The following CEP83 variants were observed in gnomAD, a reference collection of about 807,000 sequenced individuals.
CEP83 encodes the protein centrosomal protein 83.
A neutral mutation model predicts 101.9 loss-of-function variants in CEP83; 70 were observed. The ratio of observed to expected loss-of-function variants is 0.69; its 90% CI spans 0.57 to 0.84. CEP83 has a LOEUF of 0.84. Among genes scored for constraint, CEP83 ranks in the 40% least tolerant of loss-of-function variants. The pLI is 0.00. For missense variants in CEP83, 715 were observed against 787.2 expected, an observed-to-expected ratio of 0.91 and a Z score of 1.10; for synonymous variants, 264 against 267.9, an observed-to-expected ratio of 0.99 and a Z score of 0.14.
intron 14 of CEP83, among the ~76,000 whole-genome samples, chr12:94,325,027 A>G (rs958028010): frequency 6.6e-6 from 1 of 152,102 alleles, no homozygotes; most frequent in Non-Finnish European, 1.5e-5. Flanking sequence ...TGTACTTGCT[A>G]TTCCCTCTGG....
At chr12:94,435,480 A>G (rs2065919447) in intron 1 of CEP83, among the ~76,000 whole-genome samples, 153 bp from the exon 2 acceptor site, 1 of 152,224 alleles carries the variant, frequency 6.6e-6, no homozygotes, top group Admixed American at 6.5e-5. Flanking sequence ...CTTTGAAAAA[A>G]GCAGTTTACT....
At chr12:94,347,619 G>T (rs985835930) in intron 11 of CEP83, among the ~76,000 whole-genome samples, 1 of 152,260 alleles carries the variant, frequency 6.6e-6, no homozygotes, top group South Asian at 2.1e-4. Context: ...AATGTTCACA[G>T]CAGCATTATT....
intron 4 of CEP83, among the ~76,000 whole-genome samples, chr12:94,406,349 A>G (rs996767628): frequency 6.6e-6 from 1 of 151,476 alleles, no homozygotes; most frequent in Non-Finnish European, 1.5e-5. Context: ...AACAAAACAA[A>G]AACAACAACA....
chr12:94,383,828 C>T (rs1418088788), intron 6 of CEP83, among the ~76,000 whole-genome samples: 1 of 152,048 alleles, frequency 6.6e-6, no homozygotes, highest in Admixed American at 6.5e-5. Flanking sequence ...TCATGGTCTA[C>T]TGAATTCATT....
intron 11 of CEP83, among the ~76,000 whole-genome samples, chr12:94,348,696 G>A (rs1389958812): frequency 1.3e-5 from 2 of 152,204 alleles, no homozygotes; most frequent in East Asian, 3.9e-4. Flanking sequence ...GAATCCCAGG[G>A]AAACCATTAC....
chr12:94,376,743 A>ATT lies in CEP83; in HGVS notation c.802-727_802-726insAA, dbSNP rs1208558473. Among the ~76,000 whole-genome samples, 724 of 108,376 alleles carry ATT rather than the reference A, an allele frequency of 6.7e-3. 5 individuals are homozygous for ATT. Among genetic ancestry groups the ATT allele is most frequent in the Middle Eastern group, 0.014 (3 of 214 alleles). 71.1% of individuals were successfully genotyped at this position (108,376 alleles called of 152,430 possible). On this transcript the variant is annotated intron_variant, in intron 7 of 16. Transcript: ENST00000397809. ...CACACACACACACACATATATATATATATATTTTTTTTTTGAGACAAGGTC... is the reference window on the plus strand; with the variant it reads ...CACACACACACACACATATATATATATTTATATTTTTTTTTTGAGACAAGGTC...
At chr12:94,272,093 C>T in the CEP83 span, 2 of 152,202 alleles carry the variant, frequency 1.3e-5, no homozygotes, top group Non-Finnish European at 2.9e-5. Context: ...TGGCCCTCTT[C>T]CCGGGCCTTC....
intron 6 of CEP83, among the ~76,000 whole-genome samples, chr12:94,382,017 T>C (rs976590300): frequency 2.0e-5 from 3 of 152,052 alleles, no homozygotes; most frequent in Admixed American, 2.0e-4. Context: ...AGTTTTAAAA[T>C]TACAGATTGA....
chr12:94,323,489 G>A (rs1281887619), intron 14 of CEP83, among the ~76,000 whole-genome samples: 2 of 152,106 alleles, frequency 1.3e-5, no homozygotes, highest in Admixed American at 6.5e-5. Context: ...TCACTCCCAA[G>A]TGGATGACTG....
chr12:94,373,258 T>G (rs529012375), intron 8 of CEP83, among the ~76,000 whole-genome samples: 3 of 152,208 alleles, frequency 2.0e-5, no homozygotes, highest in African/African-American at 7.2e-5. Context: ...CTGGCCTTTA[T>G]GTTGTGAATT....
intron 6 of CEP83, among the ~76,000 whole-genome samples, chr12:94,399,861 A>C (rs938825107): frequency 6.6e-6 from 1 of 152,196 alleles, no homozygotes; most frequent in African/African-American, 2.4e-5. Context: ...AACTATTATA[A>C]ATATTTATAG....
chr12:94,446,200 T>A (rs2066788613), intron 1 of CEP83, among the ~76,000 whole-genome samples: 2 of 152,218 alleles, frequency 1.3e-5, no homozygotes, highest in South Asian at 4.1e-4. Flanking sequence ...TCTTACTTGT[T>A]TTTTTTACTA....
chr12:94,418,305 G>A (rs953143203), intron 2 of CEP83, among the ~76,000 whole-genome samples: 3 of 152,206 alleles, frequency 2.0e-5, no homozygotes, highest in Non-Finnish European at 4.4e-5. Flanking sequence ...AGGCTGCAGT[G>A]AGCCAAGATT....
chr12:94,447,614 T>TA (rs2066906433), intron 1 of CEP83, among the ~76,000 whole-genome samples: 1 of 152,206 alleles, frequency 6.6e-6, no homozygotes. Context: ...TCATCTCGTT[T>TA]AAAGACATAA....
chr12:94,398,229 T>A (rs2063023187), intron 6 of CEP83, among the ~76,000 whole-genome samples: 1 of 152,176 alleles, frequency 6.6e-6, no homozygotes, highest in Admixed American at 6.5e-5. Flanking sequence ...TATAATGGCA[T>A]TAAATAAAAA....
At chr12:94,406,465 G>C (rs928869458) in intron 4 of CEP83, among the ~76,000 whole-genome samples, 4 of 151,664 alleles carry the variant, frequency 2.6e-5, no homozygotes, top group African/African-American at 9.7e-5. Flanking sequence ...GAGAGAGAGA[G>C]AGTGAGAGTG....
At chr12:94,270,795 C>G in the CEP83 span, among the ~76,000 whole-genome samples, 3 of 151,094 alleles carry the variant, frequency 2.0e-5, no homozygotes, top group South Asian at 6.3e-4. Flanking sequence ...AAAAGGCTCT[C>G]GTTACCCTGT....
chr12:94,412,472 T>C lies in CEP83; in HGVS notation c.19A>G (p.Thr7Ala). The C allele has an allele frequency of 6.2e-7, 1 of 1,612,372 alleles. No homozygotes were observed. MVVSTF[T>A]DMDTFPNNFP... is the part of the protein sequence containing the mutation. ...TTATTGGGAAAAGTGTCCATATCGG[T>C]AAATGTGCTGACAACCATGTAAAAA... The change falls in exon 3 of 17, where the codon ACC becomes GCC. Residue 7 changes from threonine to alanine, a missense_variant. Coordinates refer to ENST00000397809, the MANE Select transcript of CEP83 (RefSeq NM_016122.3).
In CEP83 at chr12:94,453,238, A is replaced by T. The variant is rs983213590; in HGVS notation, c.-155+6319T>A. 8.5e-5 allele frequency among the ~76,000 whole-genome samples: 13 copies of T among 152,128 alleles called. 1 individual carries two copies. The highest frequency in any genetic ancestry group is 3.9e-4 in the Admixed American group (6 of 15,272). ...CTACACAACTCTCACTAGGAACCTC[A>T]TCTATACCTGGTATTTCAACTACCA... On this transcript the variant is annotated intron_variant, in intron 1 of 16. Coordinates refer to ENST00000397809, the MANE Select transcript of CEP83 (RefSeq NM_016122.3).
Sources: allele counts gnomAD v4.1 joint callset (sites outside exome capture counted in the v4.1 genomes callset), GRCh38; gene constraint gnomAD v4.1.1; transcripts MANE v1.5; gene names NCBI Gene and HGNC (gene_info 2026-07-23, HGNC 2026-07-21).